Variants in CCAR1 observed in about 807,000 individuals in gnomAD.
CCAR1 encodes the protein cell division cycle and apoptosis regulator protein 1.
Under a neutral mutation model 163.8 loss-of-function variants are expected in CCAR1, and 78 were observed. That is an observed-to-expected ratio of 0.48 (90% CI 0.40 to 0.57). The LOEUF is 0.57. CCAR1 is among the 20% of genes least tolerant of loss of function. The pLI is 0.00. For missense variants in CCAR1, 1,019 were observed against 1,365.2 expected (o/e 0.75, Z 4.00); for synonymous variants, 443 against 460.7 (o/e 0.96, Z 0.49).
At chr10:68,754,183 T>A in intron 11 of CCAR1, 106 bp downstream of exon 11, 1 of 718,008 alleles carries the variant, frequency 1.4e-6, no homozygotes, top group South Asian at 2.2e-5. Flanking sequence ...TAGACCCGAA[T>A]ACCTGTTTTC....
At chr10:68,754,135 G>C (rs1186818033) in intron 11 of CCAR1, 58 bp downstream of exon 11, 1 of 1,194,096 alleles carries the variant, frequency 8.4e-7, no homozygotes, top group African/African-American at 1.5e-5. Context: ...CATAATAAAA[G>C]GGTATGTAGA....
chr10:68,755,008 T>A (rs2056381326), intron 12 of CCAR1, among the ~76,000 whole-genome samples, 181 bp downstream of exon 12: 1 of 152,236 alleles, frequency 6.6e-6, no homozygotes, highest in South Asian at 2.1e-4. Flanking sequence ...AACTATATCT[T>A]ATTTGTACGC....
Position 68,752,727 on chromosome 10 carries a change from A to G in CCAR1, c.1119-1125A>G, listed in dbSNP as rs547435211. ...TCTACAAAAAGTAGAAGTTAGCCACATGTGGTAGTGCACCCGTAGTCCTAG... is the reference window on the plus strand; with the variant it reads ...TCTACAAAAAGTAGAAGTTAGCCACGTGTGGTAGTGCACCCGTAGTCCTAG... On this transcript the variant is annotated intron_variant, in intron 10 of 24. Transcript: ENST00000265872. Among the ~76,000 whole-genome samples, 5 of 152,260 alleles carry G rather than the reference A, an allele frequency of 3.3e-5. No individual in the cohort carries two copies. In the South Asian group the frequency reaches 8.3e-4, roughly 25 times the overall value.
At chr10:68,787,777 G>A (rs2056811882) in intron 21 of CCAR1, 150 bp from the exon 22 acceptor site, 2 of 614,034 alleles carry the variant, frequency 3.3e-6, no homozygotes, top group Non-Finnish European at 5.4e-6. Flanking sequence ...GGAGGTTGTA[G>A]TGAGTCGAGA....
At chr10:68,765,652 A>G (rs2056526889) in intron 16 of CCAR1, among the ~76,000 whole-genome samples, 1 of 152,118 alleles carries the variant, frequency 6.6e-6, no homozygotes, top group Admixed American at 6.6e-5. Flanking sequence ...TTTACAAGGC[A>G]GTTTCTTATG....
intron 19 of CCAR1, among the ~76,000 whole-genome samples, chr10:68,781,450 G>A (rs1158202623): frequency 6.6e-6 from 1 of 152,096 alleles, no homozygotes; most frequent in Non-Finnish European, 1.5e-5. Context: ...GGCTGAGGCA[G>A]GAGAATCACT....
At chr10:68,787,665 G>C (rs534258836) in intron 21 of CCAR1, among the ~76,000 whole-genome samples, 44 of 152,092 alleles carry the variant, frequency 2.9e-4, no homozygotes, top group African/African-American at 9.6e-4. Context: ...GTGAAACCCT[G>C]TCTCTCCAAA....
intron 8 of CCAR1, among the ~76,000 whole-genome samples, chr10:68,748,380 A>G (rs916148631): frequency 2.0e-5 from 3 of 151,946 alleles, no homozygotes; most frequent in Non-Finnish European, 2.9e-5. Flanking sequence ...AGTCTGGGCG[A>G]TAAGAGCAAA....
At chr10:68,786,425 A>G (rs2056796104) in intron 20 of CCAR1, 121 bp from the exon 21 acceptor site, 3 of 750,496 alleles carry the variant, frequency 4.0e-6, no homozygotes, top group East Asian at 2.8e-5. Flanking sequence ...CATTTTAGCT[A>G]GGATGAGGCA....
intron 19 of CCAR1, among the ~76,000 whole-genome samples, chr10:68,784,986 C>T (rs1000396074): frequency 1.4e-5 from 2 of 145,650 alleles, no homozygotes; most frequent in African/African-American, 2.6e-5. Flanking sequence ...GTCACAATCT[C>T]GGCTCACTAC....
intron 2 of CCAR1, among the ~76,000 whole-genome samples, chr10:68,728,634 A>G (rs931230785): frequency 6.6e-6 from 1 of 152,174 alleles, no homozygotes; most frequent in Non-Finnish European, 1.5e-5. Flanking sequence ...TCATATAACA[A>G]TAAGGCTTTT....
Position 68,754,704 on chromosome 10 carries a change from A to T in CCAR1, c.1345-10A>T. On this transcript the variant is annotated splice_polypyrimidine_tract_variant and intron_variant, in intron 11 of 24. Transcript: ENST00000265872. The stretch of plus-strand genomic sequence containing the variant: ...ACTTTTGACAGGATTGAATTATTTG[A>T]CTATAATAGGTAATGCTGATGGCTA... 7.1e-7 allele frequency: 1 copy of T among 1,416,464 alleles called. No individual in the cohort carries two copies. Among genetic ancestry groups the T allele is most frequent in the Non-Finnish European group, 9.9e-7 (1 of 1,006,642 alleles). The allele number at this position is 1,416,464 out of a possible 1,614,324, so 87.7% of individuals were successfully genotyped here.
At chr10:68,740,566 G>A in intron 4 of CCAR1, 63 bp from the exon 5 acceptor site, 1 of 1,203,044 alleles carries the variant, frequency 8.3e-7, no homozygotes. Context: ...CTTTTATGAA[G>A]CATCTATGAA....
intron 2 of CCAR1, among the ~76,000 whole-genome samples, chr10:68,725,757 A>T (rs914819229): frequency 6.6e-6 from 1 of 152,150 alleles, no homozygotes; most frequent in Non-Finnish European, 1.5e-5. Flanking sequence ...AGACACTGTG[A>T]TCTTCTAACT....
At chr10:68,728,681 G>A (rs1001759113) in intron 2 of CCAR1, among the ~76,000 whole-genome samples, 4 of 152,124 alleles carry the variant, frequency 2.6e-5, no homozygotes, top group Non-Finnish European at 5.9e-5. Context: ...CAGGCTGGGC[G>A]CGAGTGGCTC....
chr10:68,721,737 C>G (rs946673997), intron 1 of CCAR1: 1 of 321,424 alleles, frequency 3.1e-6, no homozygotes, highest in Non-Finnish European at 6.3e-6. Flanking sequence ...CCTTCCGTCG[C>G]CGGCGGCCGG....
At chr10:68,721,472 G>T (rs935295929) in intron 1 of CCAR1, 190 bp downstream of exon 1, 5 of 387,386 alleles carry the variant, frequency 1.3e-5, no homozygotes, top group South Asian at 9.2e-5. Context: ...GAGCAGGCCC[G>T]GCGCGGCCAG....
chr10:68,748,662 G>T (rs1316247921), intron 8 of CCAR1, among the ~76,000 whole-genome samples: 1 of 151,672 alleles, frequency 6.6e-6, no homozygotes, highest in Admixed American at 6.6e-5. Context: ...CCTAATTTTT[G>T]TATCTTTTGT....
At chr10:68,777,290 A>G (rs1159630109) in intron 19 of CCAR1, among the ~76,000 whole-genome samples, 1 of 152,198 alleles carries the variant, frequency 6.6e-6, no homozygotes, top group Non-Finnish European at 1.5e-5. Flanking sequence ...GTTTCTCAAT[A>G]CAATTGCCAG....
Sources: allele counts gnomAD v4.1 joint callset (sites outside exome capture counted in the v4.1 genomes callset), GRCh38; gene constraint gnomAD v4.1.1; transcripts MANE v1.5; gene names NCBI Gene and HGNC (gene_info 2026-07-23, HGNC 2026-07-21).